Variants in ARHGAP19 observed in about 807,000 individuals in gnomAD.
ARHGAP19 encodes Rho GTPase activating protein 19, also known as rho GTPase-activating protein 19.
Under a neutral mutation model 60.9 loss-of-function variants are expected in ARHGAP19, and 48 were observed. That is an observed-to-expected ratio of 0.79 (90% CI 0.62 to 1.00). The LOEUF is 1.00. Ranked by LOEUF, ARHGAP19 falls within the 50% of genes least tolerant of loss-of-function variation. The pLI, the probability that ARHGAP19 is intolerant of heterozygous loss-of-function variation, is 0.00. For missense variants in ARHGAP19, 562 were observed against 597.2 expected (o/e 0.94, Z 0.61); for synonymous variants, 209 against 215.5 (o/e 0.97, Z 0.27).
intron 5 of ARHGAP19, among the ~76,000 whole-genome samples, chr10:97,256,698 A>G (rs1253130212): frequency 6.6e-6 from 1 of 152,220 alleles, no homozygotes; most frequent in Non-Finnish European, 1.5e-5. Flanking sequence ...AGGATTCAAA[A>G]TGGGCAGAAA....
chr10:97,267,510 T>C (rs1475675653), intron 1 of ARHGAP19, among the ~76,000 whole-genome samples: 1 of 152,258 alleles, frequency 6.6e-6, no homozygotes, highest in Non-Finnish European at 1.5e-5. Flanking sequence ...CAATGGGGAC[T>C]CTGTATGGGG....
intron 8 of ARHGAP19, among the ~76,000 whole-genome samples, chr10:97,239,056 T>C (rs373423320): frequency 6.6e-6 from 1 of 152,342 alleles, no homozygotes; most frequent in South Asian, 2.1e-4. Flanking sequence ...AGCAACAGGC[T>C]ATACCATACA....
intron 9 of ARHGAP19, among the ~76,000 whole-genome samples, chr10:97,232,154 ATTTTTTTTT>A (rs1170639718): frequency 8.9e-5 from 5 of 56,302 alleles, no homozygotes; most frequent in South Asian, 6.2e-4. Flanking sequence ...TTTGCTCACT[ATTTTTTTTT>A]TTTTTTTTTT....
At chr10:97,270,225 A>C (rs1842944910) in intron 1 of ARHGAP19, among the ~76,000 whole-genome samples, 1 of 152,088 alleles carries the variant, frequency 6.6e-6, no homozygotes, top group Non-Finnish European at 1.5e-5. Flanking sequence ...GTCACACTTT[A>C]ATTTCCTTAA....
At chr10:97,270,081 CTACTTA>C (rs1276502297) in intron 1 of ARHGAP19, among the ~76,000 whole-genome samples, 2 of 152,128 alleles carry the variant, frequency 1.3e-5, no homozygotes, top group Non-Finnish European at 2.9e-5. Context: ...ACTGCTCCTA[CTACTTA>C]TAAGGAATAC....
intron 8 of ARHGAP19, among the ~76,000 whole-genome samples, chr10:97,239,295 C>T (rs898703739): frequency 1.3e-5 from 2 of 152,062 alleles, no homozygotes; most frequent in African/African-American, 4.8e-5. Context: ...GAGAACGAGA[C>T]CATCCTGGCC....
chr10:97,272,668 C>T (rs543925943), intron 1 of ARHGAP19, among the ~76,000 whole-genome samples: 7 of 152,194 alleles, frequency 4.6e-5, no homozygotes, highest in East Asian at 1.9e-4. Flanking sequence ...AACCTTCAAA[C>T]TTTATTGGTA....
intron 9 of ARHGAP19, 123 bp from the exon 10 acceptor site, chr10:97,229,997 T>A: frequency 1.4e-6 from 1 of 699,518 alleles, no homozygotes; most frequent in Non-Finnish European, 2.3e-6. Context: ...GATAATCCTG[T>A]ATGGACCCTC....
intron 5 of ARHGAP19, among the ~76,000 whole-genome samples, chr10:97,258,273 C>T (rs1317205815): frequency 6.6e-6 from 1 of 152,174 alleles, no homozygotes; most frequent in Non-Finnish European, 1.5e-5. Context: ...CACCTGTAAT[C>T]CCAGCACTTC....
intron 9 of ARHGAP19, among the ~76,000 whole-genome samples, chr10:97,234,706 T>C (rs1454954504): frequency 6.6e-6 from 1 of 151,488 alleles, no homozygotes; most frequent in African/African-American, 2.4e-5. Flanking sequence ...GTATTTGTTT[T>C]AAAAACAAGA....
chr10:97,288,962 A>G (rs975691454), intron 1 of ARHGAP19, among the ~76,000 whole-genome samples: 3 of 150,570 alleles, frequency 2.0e-5, no homozygotes, highest in Non-Finnish European at 4.4e-5. Flanking sequence ...CTACAGGTGC[A>G]TGCCACCATG....
chr10:97,251,304 AGGAAG>A (rs1842650583), intron 6 of ARHGAP19, among the ~76,000 whole-genome samples: 1 of 18,586 alleles, frequency 5.4e-5, no homozygotes, highest in Non-Finnish European at 9.8e-5. Flanking sequence ...GAAGGGGAAA[AGGAAG>A]GGAAGGGGAA....
intron 8 of ARHGAP19, among the ~76,000 whole-genome samples, chr10:97,237,263 C>CAAAA (rs367997995): frequency 4.6e-4 from 55 of 119,026 alleles, no homozygotes; most frequent in African/African-American, 1.7e-3. Context: ...GACCTTGTCT[C>CAAAA]AAAAAAAAAA....
At chr10:97,288,706 T>C (rs1843188054) in intron 1 of ARHGAP19, among the ~76,000 whole-genome samples, 1 of 152,042 alleles carries the variant, frequency 6.6e-6, no homozygotes, top group South Asian at 2.1e-4. Context: ...CAGACTACTA[T>C]TCACTAATTA....
chr10:97,253,196 G>A (rs1175340404), intron 6 of ARHGAP19, among the ~76,000 whole-genome samples: 1 of 151,988 alleles, frequency 6.6e-6, no homozygotes, highest in Admixed American at 6.6e-5. Flanking sequence ...TGGCCAATAT[G>A]GTGAAAACCT....
At chr10:97,271,078 G>A (rs897906344) in intron 1 of ARHGAP19, among the ~76,000 whole-genome samples, 2 of 152,060 alleles carry the variant, frequency 1.3e-5, no homozygotes, top group African/African-American at 4.8e-5. Flanking sequence ...ATAAATTAAT[G>A]CAACAGAGAA....
intron 1 of ARHGAP19, among the ~76,000 whole-genome samples, chr10:97,283,333 GATC>G (rs1292327085): frequency 6.6e-6 from 1 of 151,746 alleles, no homozygotes; most frequent in East Asian, 2.0e-4. Context: ...GAGGTGGGTG[GATC>G]ATGAGGTCAA....
intron 9 of ARHGAP19, among the ~76,000 whole-genome samples, chr10:97,232,460 G>T (rs1851043201): frequency 6.6e-6 from 1 of 152,088 alleles, no homozygotes; most frequent in South Asian, 2.1e-4. Context: ...ACTGTGCGCG[G>T]CCTCTGCCCA....
chr10:97,229,307 G>T, intron 10 of ARHGAP19, 82 bp from the exon 11 acceptor site: 2 of 1,180,764 alleles, frequency 1.7e-6, no homozygotes, highest in Non-Finnish European at 2.5e-6. Flanking sequence ...TGAATTATTT[G>T]TTCAATTTCA....
Sources: gnomAD v4.1 joint callset for allele counts (sites outside exome capture counted in the v4.1 genomes callset) on GRCh38, gnomAD v4.1.1 for gene constraint, MANE v1.5 for transcripts, NCBI Gene and HGNC (gene_info 2026-07-23, HGNC 2026-07-21) for gene names.